Variants in KCNMB1 observed in about 807,000 individuals in gnomAD.
KCNMB1 encodes the protein calcium-activated potassium channel subunit beta-1.
In KCNMB1, 22 loss-of-function variants were observed where a neutral mutation model predicts 21.7. That is an observed-to-expected ratio of 1.01 (90% CI 0.72 to 1.45). The LOEUF is 1.45. KCNMB1 is among the 40% of genes most tolerant of loss of function. KCNMB1 has a pLI of 0.00. For missense variants in KCNMB1, 243 were observed against 243.4 expected (o/e 1.00, Z 0.01); for synonymous variants, 114 against 107.6 (o/e 1.06, Z -0.37).
Position 170,382,362 on chromosome 5 carries a change from T to C in KCNMB1, c.306+1317A>G, listed in dbSNP as rs185506476. 3.4e-3 allele frequency among the ~76,000 whole-genome samples: 514 copies of C among 152,344 alleles called. 1 individual carries two copies. Among genetic ancestry groups the C allele is most frequent in the Non-Finnish European group, 4.2e-3 (287 of 68,036 alleles). ...TTTTAAGACTCTTACAGGGTTCTAA[T>C]GCATAGCCAAAGTTGACATATCTTG... On this transcript the variant is annotated intron_variant, in intron 3 of 3. Coordinates refer to ENST00000274629, the MANE Select transcript of KCNMB1 (RefSeq NM_004137.4).
At chr5:170,386,934 C>T (rs1055157230) in intron 1 of KCNMB1, among the ~76,000 whole-genome samples, 6 of 152,222 alleles carry the variant, frequency 3.9e-5, no homozygotes, top group East Asian at 1.9e-4. Flanking sequence ...CCCTGCTAGG[C>T]TCCTGATCGC....
At chr5:170,386,684 G>A (rs1561598714) in intron 1 of KCNMB1, among the ~76,000 whole-genome samples, 1 of 151,292 alleles carries the variant, frequency 6.6e-6, no homozygotes, top group East Asian at 1.9e-4. Context: ...CCATATTCCG[G>A]TGTTTTTTTT....
Position 170,376,037 on chromosome 5 carries a change from T to C in KCNMB1, c.*2667A>G, listed in dbSNP as rs1243510113. The stretch of plus-strand genomic sequence containing the variant: ...GGTTCAGGAGTATCTCATTTTTTTT[T>C]CCAAGGCAAACTAATTAGTACAGTG... On this transcript the variant is annotated 3_prime_UTR_variant, in exon 4 of 4. Transcript: ENST00000274629. The C allele has an allele frequency of 1.3e-5, 2 of 152,022 alleles. No homozygotes were observed. Among genetic ancestry groups the C allele is most frequent in the African/African-American group, 2.4e-5 (1 of 41,384 alleles). 9.4% of individuals were successfully genotyped at this position (152,022 alleles called of 1,614,324 possible). A position where few individuals can be genotyped will look rare whatever the true frequency, so the allele number is the denominator to read the frequency against.
chr5:170,384,547 T>C (rs1311267063), intron 2 of KCNMB1, among the ~76,000 whole-genome samples: 1 of 152,098 alleles, frequency 6.6e-6, no homozygotes, highest in Non-Finnish European at 1.5e-5. Context: ...CATCAACATA[T>C]TAGTAAATCA....
intron 1 of KCNMB1, among the ~76,000 whole-genome samples, chr5:170,388,966 C>T (rs1764597456): frequency 1.3e-5 from 2 of 152,184 alleles, no homozygotes; most frequent in Non-Finnish European, 2.9e-5. Context: ...ACCTCTCTAC[C>T]GGTGACAAGT....
At chr5:170,384,739 C>T (rs1050953713) in intron 2 of KCNMB1, among the ~76,000 whole-genome samples, 1 of 152,198 alleles carries the variant, frequency 6.6e-6, no homozygotes, top group Non-Finnish European at 1.5e-5. Context: ...TCCTTAAAAT[C>T]TCAAGTGGTT....
chr5:170,387,427 C>T (rs1266823805), intron 1 of KCNMB1, among the ~76,000 whole-genome samples: 1 of 152,016 alleles, frequency 6.6e-6, no homozygotes, highest in Admixed American at 6.5e-5. Context: ...CCAGGCTGCC[C>T]TCATACCCGG....
intron 3 of KCNMB1, among the ~76,000 whole-genome samples, chr5:170,379,912 A>G (rs545076590): frequency 6.6e-6 from 1 of 151,876 alleles, no homozygotes; most frequent in Non-Finnish European, 1.5e-5. Context: ...TGATCTCGCA[A>G]CTACACTCCA....
At position 170,378,496 on chromosome 5, in the gene KCNMB1, A is replaced by G; in HGVS notation, c.*208T>C. ...TGGCTGGCCTTATGGCCTCCAAGGC[A>G]TTGGGGAGCCACTGTACATTCTTGA... On this transcript the variant is annotated 3_prime_UTR_variant, in exon 4 of 4. Transcript: ENST00000274629. The G allele has an allele frequency of 1.6e-6, 1 of 607,322 alleles. No homozygotes were observed. The highest frequency in any genetic ancestry group is 2.8e-6 in the Non-Finnish European group (1 of 352,644). 37.6% of individuals were successfully genotyped at this position (607,322 alleles called of 1,614,324 possible).
intron 2 of KCNMB1, among the ~76,000 whole-genome samples, chr5:170,384,197 G>T (rs1241074077): frequency 1.3e-5 from 2 of 152,206 alleles, no homozygotes; most frequent in Admixed American, 1.3e-4. Context: ...GGCCCTGGGT[G>T]TTTTTTCAAA....
chr5:170,382,398 A>G (rs703505), intron 3 of KCNMB1, among the ~76,000 whole-genome samples: 69,513 of 151,796 alleles, frequency 0.46, 16,710 homozygotes, highest in African/African-American at 0.6. Flanking sequence ...AGACATACAC[A>G]CTCACATTTT....
At chr5:170,379,349 G>A (rs866508640) in intron 3 of KCNMB1, among the ~76,000 whole-genome samples, 3 of 152,112 alleles carry the variant, frequency 2.0e-5, no homozygotes, top group Non-Finnish European at 2.9e-5. Flanking sequence ...ATGAAAGAAG[G>A]ACTTCACACA....
Position 170,375,175 on chromosome 5 carries a change from C to T in KCNMB1, c.*3529G>A, listed in dbSNP as rs918339284. 6.6e-6 allele frequency: 1 copy of T among 152,236 alleles called. No individual in the cohort carries two copies. The highest frequency in any genetic ancestry group is 1.5e-5 in the Non-Finnish European group (1 of 68,044). The allele number at this position is 152,236 out of a possible 1,614,324, so 9.4% of individuals were successfully genotyped here. A position where few individuals can be genotyped will look rare whatever the true frequency, so the allele number is the denominator to read the frequency against. ...GAAGCTTTACGAAATAATACAGAGA[C>T]ATTCCGTGCCCCCTCTACCTAATGT... On this transcript the variant is annotated 3_prime_UTR_variant, in exon 4 of 4. Coordinates refer to ENST00000274629, the MANE Select transcript of KCNMB1 (RefSeq NM_004137.4).
At chr5:170,386,363 C>CA in intron 1 of KCNMB1, among the ~76,000 whole-genome samples, 1 of 152,294 alleles carries the variant, frequency 6.6e-6, no homozygotes, top group East Asian at 1.9e-4. Context: ...GCTCATCCCC[C>CA]ACGGCCACTG....
Position 170,375,280 on chromosome 5 carries a change from G to A in KCNMB1, c.*3424C>T, listed in dbSNP as rs1009519523. On this transcript the variant is annotated 3_prime_UTR_variant, in exon 4 of 4. Coordinates refer to ENST00000274629, the MANE Select transcript of KCNMB1 (RefSeq NM_004137.4). Reference sequence around the variant, plus strand: ...GACTTTCTTAAAAGACTCACATGAGGACCTTTGAGACTTCCCTGACCCCAG... The same window carrying A: ...GACTTTCTTAAAAGACTCACATGAGAACCTTTGAGACTTCCCTGACCCCAG... The A allele has an allele frequency of 1.3e-5, 2 of 152,206 alleles. No homozygotes were observed. Among genetic ancestry groups the A allele is most frequent in the Non-Finnish European group, 2.9e-5 (2 of 68,038 alleles). The allele number at this position is 152,206 out of a possible 1,614,324, so 9.4% of individuals were successfully genotyped here.
intron 1 of KCNMB1, among the ~76,000 whole-genome samples, chr5:170,386,298 G>A (rs188009996): frequency 2.3e-4 from 35 of 152,322 alleles, no homozygotes; most frequent in Admixed American, 2.0e-3. Context: ...CAATTAGAGT[G>A]ATGTGACCAC....
chr5:170,385,894 C>T (rs749702045), intron 1 of KCNMB1, among the ~76,000 whole-genome samples: 12 of 151,594 alleles, frequency 7.9e-5, no homozygotes, highest in Non-Finnish European at 1.6e-4. Flanking sequence ...CCGAGGTGGG[C>T]GGATCATGAG....
Position 170,383,826 on chromosome 5 carries a change from G to A in KCNMB1, c.159C>T (p.Cys53=). ...QKSVWTQESK[C]HLIETNIRDQ... ...CCCTGATGTTGGTCTCAATCAGGTGGCACTTGGATTCCTGGGTCCACACGC... is the reference window on the plus strand; with the variant it reads ...CCCTGATGTTGGTCTCAATCAGGTGACACTTGGATTCCTGGGTCCACACGC... Residue 53 remains cysteine, a synonymous_variant, in exon 3 of 4, where the codon TGC becomes TGT. Transcript: ENST00000274629. 6.2e-7 allele frequency: 1 copy of A among 1,614,006 alleles called. No individual in the cohort carries two copies. The highest frequency in any genetic ancestry group is 8.5e-7 in the Non-Finnish European group (1 of 1,179,982).
intron 2 of KCNMB1, 109 bp downstream of exon 2, chr5:170,385,205 G>T: frequency 8.3e-7 from 1 of 1,204,800 alleles, no homozygotes; most frequent in Non-Finnish European, 1.2e-6. Context: ...TGACCCTGCT[G>T]CCTTGAATGA....
Sources: allele counts gnomAD v4.1 joint callset (sites outside exome capture counted in the v4.1 genomes callset), GRCh38; gene constraint gnomAD v4.1.1; transcripts MANE v1.5; gene names NCBI Gene and HGNC (gene_info 2026-07-23, HGNC 2026-07-21).